The following ZRANB3 variants were observed in gnomAD, a reference collection of about 807,000 sequenced individuals.
ZRANB3 encodes DNA annealing helicase and endonuclease ZRANB3.
A neutral mutation model predicts 133.8 loss-of-function variants in ZRANB3; 125 were observed. The ratio of observed to expected loss-of-function variants is 0.93; its 90% CI spans 0.81 to 1.08. The LOEUF (loss-of-function observed/expected upper bound fraction) is 1.08, where lower values mean the gene tolerates loss of function less well. ZRANB3 is among the 50% of genes least tolerant of loss of function. ZRANB3 has a pLI of 0.00. For missense variants in ZRANB3, 1,229 were observed against 1,275.5 expected (o/e 0.96, Z 0.56); for synonymous variants, 387 against 432.7 (o/e 0.89, Z 1.31).
intron 3 of ZRANB3, 86 bp from the exon 4 acceptor site, chr2:135,353,714 T>TTA: frequency 1.0e-6 from 1 of 976,586 alleles, no homozygotes; most frequent in Non-Finnish European, 1.4e-6. Flanking sequence ...TTTAAGAGTA[T>TTA]TATTAGCTGG....
intron 2 of ZRANB3, among the ~76,000 whole-genome samples, chr2:135,492,325 G>A (rs72986472): frequency 0.045 from 6,784 of 152,094 alleles, 506 homozygotes; most frequent in African/African-American, 0.16. Flanking sequence ...TTTCAAAAAC[G>A]TTGAAAATAA....
At chr2:135,234,110 A>C (rs1695173377) in intron 12 of ZRANB3, among the ~76,000 whole-genome samples, 1 of 152,228 alleles carries the variant, frequency 6.6e-6, no homozygotes, top group African/African-American at 2.4e-5. Flanking sequence ...TCTACCAAGC[A>C]AATGGAAAAC....
rs182438031 is a variant in ZRANB3 at position 135,202,768 on chromosome 2, G to T, written c.3141+64C>A. The T allele has an allele frequency of 1.4e-5, 22 of 1,529,122 alleles. No individual in the cohort carries two copies. In the East Asian group the frequency reaches 5.1e-4, roughly 35 times the overall value. The allele number at this position is 1,529,122 out of a possible 1,614,324, so 94.7% of individuals were successfully genotyped here. ...TTCATCCACATAATCTTCCACAACT[G>T]TGTGCACAATTTTCCATTTGACTTC... is the stretch of plus-strand genomic sequence containing the variant. On this transcript the variant is annotated intron_variant, in intron 20 of 20. Coordinates refer to ENST00000264159, the MANE Select transcript of ZRANB3 (RefSeq NM_032143.4).
chr2:135,347,324 G>A (rs1387125781), intron 5 of ZRANB3, among the ~76,000 whole-genome samples: 4 of 139,158 alleles, frequency 2.9e-5, no homozygotes, highest in Non-Finnish European at 4.5e-5. Flanking sequence ...ACGGAGTCTC[G>A]CTCTGTCGCC....
intron 1 of ZRANB3, among the ~76,000 whole-genome samples, chr2:135,526,565 T>C (rs1260363282): frequency 6.6e-6 from 1 of 152,154 alleles, no homozygotes; most frequent in Admixed American, 6.5e-5. Context: ...AAACTATATA[T>C]TGTGATTTAT....
chr2:135,420,103 A>T (rs13385698), intron 2 of ZRANB3, among the ~76,000 whole-genome samples: 1 of 123,796 alleles, frequency 8.1e-6, no homozygotes, highest in Admixed American at 7.9e-5. Context: ...ATATATATAT[A>T]TATATATATA....
chr2:135,405,575 G>C (rs1194616495), intron 2 of ZRANB3, among the ~76,000 whole-genome samples: 1 of 152,134 alleles, frequency 6.6e-6, no homozygotes, highest in East Asian at 1.9e-4. Flanking sequence ...TGGAAGTAAA[G>C]CACTCCTCAA....
At chr2:135,273,108 C>T (rs1397605261) in intron 9 of ZRANB3, among the ~76,000 whole-genome samples, 2 of 151,304 alleles carry the variant, frequency 1.3e-5, no homozygotes, top group Non-Finnish European at 2.9e-5. Context: ...ATGGCGTGAA[C>T]CCGGGAGGCG....
Position 135,401,314 on chromosome 2 carries a change from C to T in ZRANB3, c.162-10494G>A, listed in dbSNP as rs142993787. On this transcript the variant is annotated intron_variant, in intron 2 of 20. Coordinates refer to ENST00000264159, the MANE Select transcript of ZRANB3 (RefSeq NM_032143.4). Reference sequence around the variant, plus strand: ...GATTGCAGACATAGTTAGATACCTACTTGAGAGAGATTTCAATAACACCCC... The same window carrying T: ...GATTGCAGACATAGTTAGATACCTATTTGAGAGAGATTTCAATAACACCCC... Among the ~76,000 whole-genome samples the T allele has an allele frequency of 4.3e-3, 661 of 152,216 alleles. 3 individuals are homozygous for T. The highest frequency in any genetic ancestry group is 6.9e-3 in the Non-Finnish European group (466 of 68,020).
At chr2:135,254,793 C>T (rs984243340) in intron 12 of ZRANB3, among the ~76,000 whole-genome samples, 2 of 151,956 alleles carry the variant, frequency 1.3e-5, no homozygotes, top group African/African-American at 2.4e-5. Flanking sequence ...CTCTGTCGCC[C>T]AGGCTGGAGT....
At position 135,228,248 on chromosome 2, in the gene ZRANB3, G is replaced by A. The variant is rs533964013; in HGVS notation, c.1955-233C>T. The A allele has an allele frequency of 2.6e-5, 8 of 311,872 alleles. No homozygotes were observed. In the South Asian group the frequency reaches 4.5e-4, roughly 18 times the overall value. The allele number at this position is 311,872 out of a possible 1,614,324, so 19.3% of individuals were successfully genotyped here. On this transcript the variant is annotated intron_variant, in intron 13 of 20. Coordinates refer to ENST00000264159, the MANE Select transcript of ZRANB3 (RefSeq NM_032143.4). ...GACTCCATTCTAAATGGCAGAGAAA[G>A]ACAATAAAATTAACAAATAGGTAAA...
chr2:135,461,886 T>C (rs2105016957), intron 2 of ZRANB3, among the ~76,000 whole-genome samples: 1 of 152,282 alleles, frequency 6.6e-6, no homozygotes, highest in South Asian at 2.1e-4. Flanking sequence ...GATTAAATAA[T>C]TTAAAACATA....
intron 2 of ZRANB3, among the ~76,000 whole-genome samples, chr2:135,444,596 T>C (rs1187775619): frequency 6.6e-6 from 1 of 152,076 alleles, no homozygotes; most frequent in East Asian, 1.9e-4. Context: ...GTGAAATTTA[T>C]AGAAAAGGTA....
At chr2:135,346,427 T>C (rs1157709552) in intron 5 of ZRANB3, among the ~76,000 whole-genome samples, 1 of 152,200 alleles carries the variant, frequency 6.6e-6, no homozygotes, top group Non-Finnish European at 1.5e-5. Context: ...AAGTTACTAA[T>C]ATTAACAACT....
intron 2 of ZRANB3, among the ~76,000 whole-genome samples, chr2:135,420,784 T>C (rs1044510666): frequency 2.0e-5 from 3 of 152,180 alleles, no homozygotes; most frequent in African/African-American, 7.2e-5. Context: ...ATATAATTTA[T>C]TCAAAAGAGA....
chr2:135,408,619 T>C (rs1024343178), intron 2 of ZRANB3, among the ~76,000 whole-genome samples: 6 of 152,156 alleles, frequency 3.9e-5, no homozygotes, highest in African/African-American at 1.4e-4. Flanking sequence ...ATGCGGCACA[T>C]ATACACCATG....
intron 8 of ZRANB3, among the ~76,000 whole-genome samples, chr2:135,280,865 GC>G (rs1273152614): frequency 6.6e-6 from 1 of 152,092 alleles, no homozygotes; most frequent in African/African-American, 2.4e-5. Flanking sequence ...CCTCACCTTG[GC>G]CTTCAGTGTC....
At chr2:135,282,428 G>T (rs1050689177) in intron 8 of ZRANB3, among the ~76,000 whole-genome samples, 1 of 152,204 alleles carries the variant, frequency 6.6e-6, no homozygotes, top group Non-Finnish European at 1.5e-5. Flanking sequence ...GTAGGAGACA[G>T]CCTTCAGGAG....
intron 12 of ZRANB3, among the ~76,000 whole-genome samples, chr2:135,265,292 C>T (rs1033025355): frequency 6.6e-6 from 1 of 152,022 alleles, no homozygotes; most frequent in Non-Finnish European, 1.5e-5. Context: ...TAAAGATAGC[C>T]TCCTATATTT....
Sources: gnomAD v4.1 joint callset for allele counts (sites outside exome capture counted in the v4.1 genomes callset) on GRCh38, gnomAD v4.1.1 for gene constraint, MANE v1.5 for transcripts, NCBI Gene and HGNC (gene_info 2026-07-23, HGNC 2026-07-21) for gene names.